RANBP3: variants seen among roughly 807,000 people sequenced by gnomAD.
The protein encoded by RANBP3 is RAN binding protein 3.
In RANBP3, 14 loss-of-function variants were observed where a neutral mutation model predicts 77.3. The observed-to-expected ratio is 0.18, with a 90% CI of 0.12 to 0.28. RANBP3 has a LOEUF of 0.28. Among genes scored for constraint, RANBP3 ranks in the 10% least tolerant of loss-of-function variants. The pLI is 1.00. For missense variants in RANBP3, 586 were observed against 752.3 expected, an observed-to-expected ratio of 0.78 and a Z score of 2.59; for synonymous variants, 315 against 312.4, an observed-to-expected ratio of 1.01 and a Z score of -0.09.
intron 13 of RANBP3, among the ~76,000 whole-genome samples, chr19:5,922,229 A>G (rs1002556386): frequency 6.6e-6 from 1 of 152,232 alleles, no homozygotes; most frequent in East Asian, 1.9e-4. Flanking sequence ...ATATTTCAAT[A>G]CAGCAGTTTT....
rs1056187756 is a variant in RANBP3, at chr19:5,929,831, C to T, written c.693+1573G>A. Among the ~76,000 whole-genome samples, 5 of 152,350 alleles carry T rather than the reference C, an allele frequency of 3.3e-5. No homozygotes were observed. The East Asian group carries it at 5.8e-4, about 18-fold the overall frequency. On this transcript the variant is annotated intron_variant, in intron 8 of 16. Coordinates refer to ENST00000340578, the MANE Select transcript of RANBP3 (RefSeq NM_007322.3). Reference sequence around the variant, plus strand: ...AGTACTGGGTGTGGTCAGAGGGCAGCGTGGGTGTGGCCGCATGGCTCCACC... The same window carrying T: ...AGTACTGGGTGTGGTCAGAGGGCAGTGTGGGTGTGGCCGCATGGCTCCACC...
chr19:5,936,874 C>T (rs982749647), intron 5 of RANBP3, among the ~76,000 whole-genome samples: 1 of 151,754 alleles, frequency 6.6e-6, no homozygotes, highest in Non-Finnish European at 1.5e-5. Context: ...TTCCAGTGAA[C>T]ACCACTAATC....
chr19:5,973,047 A>AC (rs1265345845), intron 1 of RANBP3, among the ~76,000 whole-genome samples: 1 of 152,184 alleles, frequency 6.6e-6, no homozygotes, highest in Non-Finnish European at 1.5e-5. Context: ...CAGCCTGGAT[A>AC]CCCCTTGGGT....
chr19:5,924,054 C>T lies in RANBP3; in HGVS notation c.997-140G>A. 1 of 657,098 alleles carries T rather than the reference C, an allele frequency of 1.5e-6. No individual in the cohort carries two copies. Among genetic ancestry groups the T allele is most frequent in the Non-Finnish European group, 2.6e-6 (1 of 379,010 alleles). The allele number at this position is 657,098 out of a possible 1,614,324, so 40.7% of individuals were successfully genotyped here. ...CACTCCCGGTGACACCCTGAACTGC[C>T]TGGGAGCTCCCCACGTGGTCCCTCA... On this transcript the variant is annotated intron_variant, in intron 11 of 16. Transcript: ENST00000340578. The surrounding 1 kb of genome is among the most constrained non-coding windows in gnomAD (Gnocchi z 4.7).
chr19:5,924,265 C>T lies in RANBP3; in HGVS notation c.997-351G>A, dbSNP rs897536676. ...TCCAGACAGAGCTAGAGTGACCAGG[C>T]GGCTCAGGACAGGCCCTCACGCAGT... On this transcript the variant is annotated intron_variant, in intron 11 of 16. Coordinates refer to ENST00000340578, the MANE Select transcript of RANBP3 (RefSeq NM_007322.3). The surrounding 1 kb of genome is among the most constrained non-coding windows in gnomAD (Gnocchi z 4.7). 2.6e-5 allele frequency among the ~76,000 whole-genome samples: 4 copies of T among 152,232 alleles called. No individual in the cohort carries two copies. Among genetic ancestry groups the T allele is most frequent in the Non-Finnish European group, 5.9e-5 (4 of 68,040 alleles).
At chr19:5,947,587 G>A (rs1377779762) in intron 3 of RANBP3, among the ~76,000 whole-genome samples, 1 of 152,220 alleles carries the variant, frequency 6.6e-6, no homozygotes, top group Non-Finnish European at 1.5e-5. Context: ...AGAAGAGAAA[G>A]AAGACCAGAG....
At chr19:5,935,131 T>C (rs147064475) in intron 5 of RANBP3, among the ~76,000 whole-genome samples, 104 of 152,322 alleles carry the variant, frequency 6.8e-4, no homozygotes, top group African/African-American at 2.4e-3. Context: ...CAAAACACCT[T>C]GTCAGCCCAA....
Position 5,957,947 on chromosome 19 carries a change from A to T in RANBP3, c.49T>A (p.Phe17Ile). ...TGTCCTTTATCCTTCTGAAACACAA[A>T]GACGGGCGGAGCAATGGCAGGCTTT... The part of the protein sequence containing the change: ...EEKPAIAPPV[F>I]VFQKDKGQKS... The change falls in exon 2 of 17, where the codon TTT becomes ATT. Residue 17 changes from phenylalanine to isoleucine, a missense_variant. Around this residue, in one of 5 missense-constraint regions of RANBP3, gnomAD observed 172 missense variants for 183.4 expected, o/e 0.94. Coordinates refer to ENST00000340578, the MANE Select transcript of RANBP3 (RefSeq NM_007322.3). 1 of 1,614,238 alleles carries T rather than the reference A, an allele frequency of 6.2e-7. No homozygotes were observed. Among genetic ancestry groups the T allele is most frequent in the Non-Finnish European group, 8.5e-7 (1 of 1,180,044 alleles).
chr19:5,937,152 A>G (rs1048748166), intron 5 of RANBP3, among the ~76,000 whole-genome samples: 1 of 150,694 alleles, frequency 6.6e-6, no homozygotes, highest in African/African-American at 2.4e-5. Context: ...GGGCGCGAAC[A>G]CTGGAGGGCA....
chr19:5,957,999 T>C (rs1359758538), intron 1 of RANBP3, 26 bp from the exon 2 acceptor site: 13 of 1,610,256 alleles, frequency 8.1e-6, no homozygotes, highest in East Asian at 2.2e-5. Context: ...TTAGTTTTTT[T>C]CCCCCCAACA....
intron 1 of RANBP3, among the ~76,000 whole-genome samples, chr19:5,964,035 G>A (rs1008839023): frequency 3.3e-5 from 5 of 152,184 alleles, no homozygotes; most frequent in African/African-American, 1.2e-4. Context: ...GCCAGAAACT[G>A]AAAGGAGTGA....
chr19:5,954,682 G>C (rs1365474753), intron 2 of RANBP3, among the ~76,000 whole-genome samples: 1 of 152,172 alleles, frequency 6.6e-6, no homozygotes, highest in Non-Finnish European at 1.5e-5. Context: ...CTAAAAGCTC[G>C]GTCCCAGCTC....
chr19:5,925,902 T>C, intron 9 of RANBP3, 165 bp from the exon 10 acceptor site: 1 of 612,876 alleles, frequency 1.6e-6, no homozygotes, highest in Non-Finnish European at 2.9e-6. Flanking sequence ...GGGGCAGGGC[T>C]ATAATCAACT....
At chr19:5,953,875 C>CAATTAAATTAAATTA (rs1385661683) in intron 2 of RANBP3, among the ~76,000 whole-genome samples, 3 of 152,174 alleles carry the variant, frequency 2.0e-5, no homozygotes, top group Non-Finnish European at 4.4e-5. Context: ...CCTAGGACTA[C>CAATTAAATTAAATTA]AATTAAAACC....
intron 3 of RANBP3, among the ~76,000 whole-genome samples, chr19:5,942,712 A>AC (rs1298115230): frequency 2.6e-4 from 40 of 151,758 alleles, no homozygotes; most frequent in African/African-American, 9.7e-4. Flanking sequence ...AAAAAAAAAA[A>AC]AAAAAAAACA....
chr19:5,918,405 T>TCCCCCCCCCCCCC, intron 15 of RANBP3, 91 bp downstream of exon 15: 1 of 130,326 alleles, frequency 7.7e-6, no homozygotes, highest in Non-Finnish European at 1.5e-5. Flanking sequence ...CCCCCTCCCC[T>TCCCCCCCCCCCCC]CCCCACCGTC....
Position 5,924,768 on chromosome 19 carries a change from C to A in RANBP3, c.996+59G>T. 1.3e-6 allele frequency: 2 copies of A among 1,524,148 alleles called. No individual in the cohort carries two copies. The highest frequency in any genetic ancestry group is 1.8e-6 in the Non-Finnish European group (2 of 1,098,652). 94.4% of individuals were successfully genotyped at this position (1,524,148 alleles called of 1,614,324 possible). The stretch of plus-strand genomic sequence containing the variant: ...AGCCCTGCTCTCCATGTCCCCTTGA[C>A]CTGTGGCTGGCGCCGAGAGCCTCTG... On this transcript the variant is annotated intron_variant, in intron 11 of 16. Coordinates refer to ENST00000340578, the MANE Select transcript of RANBP3 (RefSeq NM_007322.3). The surrounding 1 kb of genome is among the most constrained non-coding windows in gnomAD (Gnocchi z 4.7).
intron 3 of RANBP3, among the ~76,000 whole-genome samples, chr19:5,951,074 A>G (rs1477245966): frequency 6.6e-6 from 1 of 152,156 alleles, no homozygotes; most frequent in Non-Finnish European, 1.5e-5. Context: ...AAGGGGTCAA[A>G]TTAGGTTTGG....
intron 1 of RANBP3, among the ~76,000 whole-genome samples, chr19:5,964,196 C>T (rs557715330): frequency 2.0e-5 from 3 of 152,280 alleles, no homozygotes; most frequent in East Asian, 1.9e-4. Flanking sequence ...GCAGCCCCAG[C>T]GATGAGCACA....
Sources: gnomAD v4.1 joint callset for allele counts (sites outside exome capture counted in the v4.1 genomes callset) on GRCh38, gnomAD v4.1.1 for gene constraint, gnomAD v4.1.1 regional missense constraint, Gnocchi (gnomAD v3.1) non-coding constraint, MANE v1.5 for transcripts, NCBI Gene and HGNC (gene_info 2026-07-23, HGNC 2026-07-21) for gene names.